The following STAG1 variants were observed in gnomAD, a reference collection of about 807,000 sequenced individuals.
STAG1 encodes cohesin subunit SA-1.
Under a neutral mutation model 170.9 loss-of-function variants are expected in STAG1, and 26 were observed. The ratio of observed to expected loss-of-function variants is 0.15; its 90% confidence interval spans 0.11 to 0.21. STAG1 has a LOEUF of 0.21. Ranked by LOEUF, STAG1 falls within the 10% of genes least tolerant of loss-of-function variation. STAG1 has a pLI of 1.00. For missense variants in STAG1, 964 were observed against 1,509.5 expected, an observed-to-expected ratio of 0.64 and a Z score of 5.99; for synonymous variants, 514 against 497.7, an observed-to-expected ratio of 1.03 and a Z score of -0.44.
chr3:136,479,016 G>C (rs2089841894), intron 9 of STAG1, among the ~76,000 whole-genome samples: 1 of 149,792 alleles, frequency 6.7e-6, no homozygotes, highest in Non-Finnish European at 1.5e-5. Context: ...ATTCTACCTG[G>C]CATCCATTAA....
At chr3:136,725,747 C>T (rs7616204) in intron 1 of STAG1, among the ~76,000 whole-genome samples, 99,770 of 152,096 alleles carry the variant, frequency 0.66, 35,050 homozygotes, top group African/African-American at 0.9. Flanking sequence ...TGACCAAGTA[C>T]AGACAGCATG....
intron 13 of STAG1, 25 bp downstream of exon 13, chr3:136,464,856 C>T (rs758653611): frequency 8.3e-6 from 13 of 1,573,140 alleles, no homozygotes; most frequent in South Asian, 2.3e-5. Context: ...AAAGTAGAAC[C>T]GGTTTTCAAA....
At chr3:136,410,516 A>G (rs746303803) in intron 21 of STAG1, among the ~76,000 whole-genome samples, 17 of 152,214 alleles carry the variant, frequency 1.1e-4, no homozygotes, top group Non-Finnish European at 2.4e-4. Context: ...GAGACAATGA[A>G]AACAATTAAA....
chr3:136,690,335 C>T (rs1942680614), intron 1 of STAG1, among the ~76,000 whole-genome samples: 1 of 152,202 alleles, frequency 6.6e-6, no homozygotes, highest in African/African-American at 2.4e-5. Context: ...GTCCCGTGCT[C>T]AAGTGATTCT....
intron 6 of STAG1, among the ~76,000 whole-genome samples, chr3:136,535,521 G>T (rs1358644554): frequency 6.6e-6 from 1 of 152,166 alleles, no homozygotes; most frequent in Non-Finnish European, 1.5e-5. Context: ...AAATTAGCTA[G>T]GCACAGTGGC....
chr3:136,352,488 G>A (rs1936471124), intron 28 of STAG1, among the ~76,000 whole-genome samples: 1 of 152,166 alleles, frequency 6.6e-6, no homozygotes, highest in African/African-American at 2.4e-5. Flanking sequence ...AAAAAATTAT[G>A]AGACGTACAA....
chr3:136,510,547 A>G (rs1271308444), intron 7 of STAG1, among the ~76,000 whole-genome samples: 1 of 151,278 alleles, frequency 6.6e-6, no homozygotes, highest in Non-Finnish European at 1.5e-5. Context: ...AAGTGTTAGC[A>G]TTACAGGCGT....
At chr3:136,354,327 C>CT (rs1338697464) in intron 28 of STAG1, among the ~76,000 whole-genome samples, 4 of 152,190 alleles carry the variant, frequency 2.6e-5, no homozygotes, top group Non-Finnish European at 5.9e-5. Context: ...GAATCGCACT[C>CT]TATCGTCCAG....
chr3:136,657,564 G>A (rs1363422041), intron 1 of STAG1, among the ~76,000 whole-genome samples: 1 of 152,274 alleles, frequency 6.6e-6, no homozygotes, highest in Non-Finnish European at 1.5e-5. Context: ...CCTCACGCCT[G>A]TAATCCAAAC....
chr3:136,394,050 T>C (rs754960357), intron 22 of STAG1, among the ~76,000 whole-genome samples: 1 of 152,268 alleles, frequency 6.6e-6, no homozygotes, highest in East Asian at 1.9e-4. Flanking sequence ...TACAGGGACA[T>C]GCCCATGCCA....
At chr3:136,724,601 A>T (rs550697242) in intron 1 of STAG1, among the ~76,000 whole-genome samples, 67 of 59,776 alleles carry the variant, frequency 1.1e-3, no homozygotes, top group Admixed American at 3.8e-3. Flanking sequence ...AATGATCAAT[A>T]AAAAAAAAAA....
chr3:136,383,474 C>A lies in STAG1; in HGVS notation c.2278-5722G>T, dbSNP rs17200503. Among the ~76,000 whole-genome samples, 3 of 152,072 alleles carry A rather than the reference C, an allele frequency of 2.0e-5. No individual in the cohort carries two copies. In the South Asian group the frequency reaches 6.2e-4, roughly 32 times the overall value. Reference sequence around the variant, plus strand: ...CTCATCTGCTATAATAGCTGTAATTCATTATGAAAAAAAGTAAATATGCTT... The same window carrying A: ...CTCATCTGCTATAATAGCTGTAATTAATTATGAAAAAAAGTAAATATGCTT... On this transcript the variant is annotated intron_variant, in intron 22 of 33. Transcript: ENST00000383202.
At chr3:136,534,294 A>C (rs1467286187) in intron 6 of STAG1, among the ~76,000 whole-genome samples, 1 of 152,218 alleles carries the variant, frequency 6.6e-6, no homozygotes, top group African/African-American at 2.4e-5. Flanking sequence ...TGAACCTATA[A>C]AACTAGTAGA....
At chr3:136,537,766 G>C (rs1266942299) in intron 6 of STAG1, among the ~76,000 whole-genome samples, 1 of 151,982 alleles carries the variant, frequency 6.6e-6, no homozygotes, top group East Asian at 1.9e-4. Flanking sequence ...AAAGTGCTGG[G>C]ATTATAGGTA....
chr3:136,662,121 C>G (rs770185200), intron 1 of STAG1, among the ~76,000 whole-genome samples: 3 of 151,514 alleles, frequency 2.0e-5, no homozygotes, highest in African/African-American at 7.3e-5. Context: ...TTCCAGTTTA[C>G]TAATTCCAGT....
intron 1 of STAG1, among the ~76,000 whole-genome samples, chr3:136,689,962 C>T (rs571044470): frequency 6.7e-6 from 1 of 149,960 alleles, no homozygotes; most frequent in Admixed American, 6.7e-5. Context: ...ATCAGTTGAA[C>T]CTGGGAGGCA....
At chr3:136,584,570 G>A (rs1013347913) in intron 4 of STAG1, among the ~76,000 whole-genome samples, 2 of 152,008 alleles carry the variant, frequency 1.3e-5, no homozygotes, top group Non-Finnish European at 2.9e-5. Context: ...TTTGTTTCTT[G>A]GTTCAGTGTT....
In STAG1 at chr3:136,443,410, A is replaced by G. The variant is rs1416706771; in HGVS notation, c.1429-6T>C. The G allele has an allele frequency of 3.3e-5, 53 of 1,592,078 alleles. No individual in the cohort carries two copies. Among genetic ancestry groups the G allele is most frequent in the Non-Finnish European group, 4.5e-5 (52 of 1,165,398 alleles). On this transcript the variant is annotated splice_region_variant and splice_polypyrimidine_tract_variant and intron_variant, in intron 14 of 33. Coordinates refer to ENST00000383202, the MANE Select transcript of STAG1 (RefSeq NM_005862.3). The stretch of plus-strand genomic sequence containing the variant: ...TAGGCTGCATGTTCATGTAACTAAA[A>G]AGAAAAAATCAAGTGTGACCAAAGA...
At chr3:136,463,635 T>C (rs1576491399) in intron 13 of STAG1, among the ~76,000 whole-genome samples, 1 of 149,958 alleles carries the variant, frequency 6.7e-6, no homozygotes, top group African/African-American at 2.5e-5. Flanking sequence ...CCCAACACTA[T>C]GGGAGGCTGA....
Sources: gnomAD v4.1 joint callset for allele counts (sites outside exome capture counted in the v4.1 genomes callset) on GRCh38, gnomAD v4.1.1 for gene constraint, MANE v1.5 for transcripts, NCBI Gene and HGNC (gene_info 2026-07-23, HGNC 2026-07-21) for gene names.